The following ZNF641 variants were observed in gnomAD, a reference collection of about 807,000 sequenced individuals.
ZNF641 encodes the protein zinc finger protein 641.
In ZNF641, 26 loss-of-function variants were observed where a neutral mutation model predicts 46.2. The ratio of observed to expected loss-of-function variants is 0.56; its 90% confidence interval spans 0.41 to 0.78. The LOEUF is 0.78. ZNF641 is among the 30% of genes least tolerant of loss of function. The probability of loss-of-function intolerance (pLI) is 0.00; values close to 1 mark genes in which losing one functional copy is unlikely to be tolerated. For synonymous variants in ZNF641, 163 were observed against 187.9 expected, an observed-to-expected ratio of 0.87 and a Z score of 1.09; for missense variants, 469 against 517.8, an observed-to-expected ratio of 0.91 and a Z score of 0.91.
At chr12:48,350,716 C>T in intron 1 of ZNF641, 70 bp downstream of exon 1, 1 of 636,908 alleles carries the variant, frequency 1.6e-6, no homozygotes, top group South Asian at 6.9e-5. Flanking sequence ...ACCGAGCCCC[C>T]ACCAGCCGCC....
chr12:48,341,554 T>C lies in ZNF641; in HGVS notation c.*1419A>G, dbSNP rs746427236. 150 of 985,356 alleles carry C rather than the reference T, an allele frequency of 1.5e-4. No homozygotes were observed. Among genetic ancestry groups the C allele is most frequent in the Non-Finnish European group, 1.8e-4 (147 of 829,948 alleles). 61.0% of individuals were successfully genotyped at this position (985,356 alleles called of 1,614,324 possible). ...AAAGCTAAGCCACAGCCATTTTCCC[T>C]AAAGTTCTGTTTCTGGGAGAATGAG... On this transcript the variant is annotated 3_prime_UTR_variant, in exon 6 of 6. Transcript: ENST00000547026.
Position 48,343,861 on chromosome 12 carries a change from T to C in ZNF641, c.521-134A>G, listed in dbSNP as rs532617902. 4.9e-5 allele frequency: 40 copies of C among 814,212 alleles called. No individual in the cohort carries two copies. The African/African-American group carries it at 6.9e-4, about 14-fold the overall frequency. 50.4% of individuals were successfully genotyped at this position (814,212 alleles called of 1,614,324 possible). A position where few individuals can be genotyped will look rare whatever the true frequency, so the allele number is the denominator to read the frequency against. On this transcript the variant is annotated intron_variant, in intron 5 of 5. Coordinates refer to ENST00000547026, the MANE Select transcript of ZNF641 (RefSeq NM_001172681.2). ...CCAGAAGGGCTGAGAGAACATAGTC[T>C]AATGTCGTACAAGACAGTGCAATAG...
At chr12:48,349,348 T>C (rs1266699315) in intron 1 of ZNF641, among the ~76,000 whole-genome samples, 3 of 152,238 alleles carry the variant, frequency 2.0e-5, no homozygotes, top group African/African-American at 7.2e-5. Flanking sequence ...AATCTCTTTC[T>C]GTTTGGCAAC....
At position 48,343,292 on chromosome 12, in the gene ZNF641, G is replaced by T. The variant is rs146290932; in HGVS notation, c.956C>A (p.Ser319Tyr). Residue 319 changes from serine (S) to tyrosine (Y), a missense_variant, in exon 6 of 6, where the codon TCC (serine) becomes TAC (tyrosine). By Grantham distance (144) the Ser-to-Tyr change is moderately radical. Coordinates refer to ENST00000547026, the MANE Select transcript of ZNF641 (RefSeq NM_001172681.2). Reference protein sequence around the residue: ...SECGKNFRCNSHLASHQRVHA... With the variant: ...SECGKNFRCNYHLASHQRVHA... ...CACTCTCTGGTGGCTGGCCAGATGG[G>T]AGTTGCATCGGAAATTCTTACCACA... The T allele has an allele frequency of 9.9e-6, 16 of 1,614,134 alleles. No individual in the cohort carries two copies. The highest frequency in any genetic ancestry group is 1.3e-5 in the Non-Finnish European group (15 of 1,180,056).
At chr12:48,336,606 C>T (rs184323125), downstream of ZNF641, among the ~76,000 whole-genome samples, 137 of 152,248 alleles carry the variant, frequency 9.0e-4, no homozygotes, top group Non-Finnish European at 2.5e-4. Context: ...CAGTGGCTTC[C>T]GACCCTACCT....
chr12:48,344,141 T>A (rs1565991519), intron 5 of ZNF641, among the ~76,000 whole-genome samples: 1 of 152,230 alleles, frequency 6.6e-6, no homozygotes, highest in Non-Finnish European at 1.5e-5. Context: ...TCTTTCTATC[T>A]AAGCATAGAT....
chr12:48,335,909 C>G (rs183948719), downstream of ZNF641, among the ~76,000 whole-genome samples: 73 of 152,294 alleles, frequency 4.8e-4, no homozygotes, highest in Admixed American at 2.2e-3. Flanking sequence ...TGACCCTGAC[C>G]TCAATTCTTT....
At position 48,341,600 on chromosome 12, in the gene ZNF641, C is replaced by G. The variant is rs995274071; in HGVS notation, c.*1373G>C. The G allele has an allele frequency of 6.1e-6, 6 of 985,354 alleles. No homozygotes were observed. The African/African-American group carries it at 8.7e-5, about 14-fold the overall frequency. 61.0% of individuals were successfully genotyped at this position (985,354 alleles called of 1,614,324 possible). On this transcript the variant is annotated 3_prime_UTR_variant, in exon 6 of 6. Coordinates refer to ENST00000547026, the MANE Select transcript of ZNF641 (RefSeq NM_001172681.2). ...ATGAGATCTTCAAGAATAACTCTTG[C>G]CCCTTGATGAGGCAGTCAAATTCAA...
At chr12:48,350,975 C>A, upstream of ZNF641, 1 of 425,504 alleles carries the variant, frequency 2.4e-6, no homozygotes, top group Non-Finnish European at 3.0e-6. Context: ...GGCTCTGCGG[C>A]GGCGGAGGTG....
chr12:48,347,028 CA>C (rs1217794721), intron 3 of ZNF641: 2 of 840,104 alleles, frequency 2.4e-6, no homozygotes, highest in African/African-American at 3.5e-5. Context: ...AAAAACAAAA[CA>C]AAACTCAAAA....
Position 48,343,626 on chromosome 12 carries a change from G to A in ZNF641, c.622C>T (p.His208Tyr). Residue 208 changes from histidine to tyrosine, a missense_variant, in exon 6 of 6, where the codon CAT becomes TAT. Around this residue, in one of 3 missense-constraint regions of ZNF641, gnomAD observed 346 missense variants for 354.0 expected, o/e 0.98. Coordinates refer to ENST00000547026, the MANE Select transcript of ZNF641 (RefSeq NM_001172681.2). ...GGCATGGAATCCCAGCTCTCATCAT[G>A]CTCCGGGTTCCAGAGAACAGTATCT... ...SEDTVLWNPE[H>Y]DESWDSMPSS... 1.3e-6 allele frequency: 2 copies of A among 1,598,382 alleles called. No individual in the cohort carries two copies. Among genetic ancestry groups the A allele is most frequent in the Non-Finnish European group, 1.7e-6 (2 of 1,172,028 alleles).
intron 5 of ZNF641, among the ~76,000 whole-genome samples, chr12:48,344,016 T>C (rs940140762): frequency 1.3e-5 from 2 of 152,268 alleles, no homozygotes; most frequent in African/African-American, 4.8e-5. Flanking sequence ...CCGGCAGTTA[T>C]AAGATAGATA....
At chr12:48,344,513 G>T in intron 5 of ZNF641, 86 bp downstream of exon 5, 1 of 847,582 alleles carries the variant, frequency 1.2e-6, no homozygotes, top group Non-Finnish European at 1.9e-6. Flanking sequence ...GGAACTCTCT[G>T]AGGCAGAGGA....
chr12:48,337,115 T>G (rs1187765435), downstream of ZNF641: 2 of 152,256 alleles, frequency 1.3e-5, no homozygotes, highest in Non-Finnish European at 2.9e-5. Flanking sequence ...TGTGGTAGTC[T>G]TTTTTGTCAG....
downstream of ZNF641, among the ~76,000 whole-genome samples, chr12:48,334,614 T>G (rs1236679470): frequency 1.3e-5 from 2 of 152,168 alleles, no homozygotes; most frequent in African/African-American, 4.8e-5. Flanking sequence ...AAGTTTATTA[T>G]GCACGTGAAT....
At chr12:48,335,584 G>A (rs1011279690), downstream of ZNF641, among the ~76,000 whole-genome samples, 37 of 152,248 alleles carry the variant, frequency 2.4e-4, no homozygotes, top group Admixed American at 6.5e-4. Context: ...TATAGCTAAC[G>A]ATGCTCATTT....
At chr12:48,347,447 T>C (rs1193085693) in intron 2 of ZNF641, 104 bp from the exon 3 acceptor site, 11 of 958,576 alleles carry the variant, frequency 1.1e-5, no homozygotes, top group Admixed American at 6.4e-5. Flanking sequence ...CTTCTGTATC[T>C]ATGCCCATTG....
In ZNF641 at chr12:48,338,780, T is replaced by C. The variant is rs1237557549; in HGVS notation, c.*4193A>G. 1 of 152,234 alleles carries C rather than the reference T, an allele frequency of 6.6e-6. No homozygotes were observed. The highest frequency in any genetic ancestry group is 1.5e-5 in the Non-Finnish European group (1 of 68,050). 9.4% of individuals were successfully genotyped at this position (152,234 alleles called of 1,614,324 possible). ...TCCTGCTGCCCTTGCCCATAGGGTA[T>C]GCCAAATCATGGTTAGAAATCCCTT... On this transcript the variant is annotated 3_prime_UTR_variant, in exon 6 of 6. Coordinates refer to ENST00000547026, the MANE Select transcript of ZNF641 (RefSeq NM_001172681.2).
chr12:48,347,845 C>T lies in ZNF641; in HGVS notation c.184+62G>A, dbSNP rs1415201949. ...GGCAATTTGGAGATTTTTAACCCTA[C>T]TTTTGGAATAAATATTAGGAGACTA... On this transcript the variant is annotated intron_variant, in intron 2 of 5. Transcript: ENST00000547026. 1.3e-5 allele frequency: 20 copies of T among 1,531,654 alleles called. No individual in the cohort carries two copies. In the East Asian group the frequency reaches 4.5e-4, roughly 35 times the overall value. 94.9% of individuals were successfully genotyped at this position (1,531,654 alleles called of 1,614,324 possible).
Sources: gnomAD v4.1 joint callset for allele counts (sites outside exome capture counted in the v4.1 genomes callset) on GRCh38, gnomAD v4.1.1 for gene constraint, gnomAD v4.1.1 regional missense constraint, MANE v1.5 for transcripts, NCBI Gene and HGNC (gene_info 2026-07-23, HGNC 2026-07-21) for gene names.